The following CRK variants were observed in gnomAD, a reference collection of about 807,000 sequenced individuals.
CRK encodes the protein adapter molecule crk.
A neutral mutation model predicts 29.8 loss-of-function variants in CRK; 4 were observed. That is an observed-to-expected ratio of 0.13 (90% CI 0.07 to 0.31). The LOEUF (loss-of-function observed/expected upper bound fraction) is 0.31, where lower values mean the gene tolerates loss of function less well. CRK is among the 10% of genes least tolerant of loss of function. The probability of loss-of-function intolerance (pLI) is 1.00; values close to 1 mark genes in which losing one functional copy is unlikely to be tolerated. For missense variants in CRK, 274 were observed against 396.5 expected, an observed-to-expected ratio of 0.69 and a Z score of 2.62; for synonymous variants, 153 against 164.9, an observed-to-expected ratio of 0.93 and a Z score of 0.55.
intron 1 of CRK, among the ~76,000 whole-genome samples, chr17:1,444,388 G>A (rs1371212362): frequency 6.6e-6 from 1 of 152,174 alleles, no homozygotes; most frequent in Non-Finnish European, 1.5e-5. Context: ...CAAACGCCAG[G>A]CAGGGTGGTG....
intron 1 of CRK, among the ~76,000 whole-genome samples, chr17:1,447,737 C>T (rs1278635308): frequency 2.6e-5 from 4 of 151,754 alleles, no homozygotes; most frequent in Non-Finnish European, 5.9e-5. Flanking sequence ...CTTCCTTAGC[C>T]TCTCGAGTAG....
At chr17:1,451,264 G>A (rs1387142959) in intron 1 of CRK, among the ~76,000 whole-genome samples, 3 of 149,182 alleles carry the variant, frequency 2.0e-5, no homozygotes, top group African/African-American at 7.4e-5. Context: ...TAGCAGATGT[G>A]TATTGTCTGA....
At chr17:1,445,185 A>G (rs1452485581) in intron 1 of CRK, among the ~76,000 whole-genome samples, 5 of 152,152 alleles carry the variant, frequency 3.3e-5, no homozygotes, top group African/African-American at 9.7e-5. Context: ...GAGAGAGGTA[A>G]TAAGACACAA....
At chr17:1,430,949 T>G (rs1473518176) in intron 2 of CRK, among the ~76,000 whole-genome samples, 1 of 151,810 alleles carries the variant, frequency 6.6e-6, no homozygotes, top group Non-Finnish European at 1.5e-5. Context: ...GCGCCTGTAG[T>G]CCCAGCTGCT....
At chr17:1,430,658 C>T (rs960817172) in intron 2 of CRK, among the ~76,000 whole-genome samples, 3 of 151,682 alleles carry the variant, frequency 2.0e-5, no homozygotes, top group South Asian at 4.2e-4. Flanking sequence ...AGCCACCACA[C>T]CCAGCCTGAT....
chr17:1,428,757 C>G (rs1329627049), intron 2 of CRK, among the ~76,000 whole-genome samples: 2 of 151,334 alleles, frequency 1.3e-5, no homozygotes, highest in East Asian at 1.9e-4. Context: ...CTCCTGACCT[C>G]GTGATCTGCT....
At chr17:1,454,268 C>G (rs1381580805) in intron 1 of CRK, among the ~76,000 whole-genome samples, 1 of 151,932 alleles carries the variant, frequency 6.6e-6, no homozygotes. Flanking sequence ...TGGCCAGGCG[C>G]GGTGGCTCTT....
chr17:1,440,346 T>G (rs2073924953), intron 1 of CRK, among the ~76,000 whole-genome samples: 1 of 150,126 alleles, frequency 6.7e-6, no homozygotes, highest in East Asian at 2.0e-4. Context: ...TGCCTGCAGT[T>G]GCAGCTACTT....
At chr17:1,424,473 G>T (rs1256453026) in intron 2 of CRK, 1 of 152,188 alleles carries the variant, frequency 6.6e-6, no homozygotes, top group African/African-American at 2.4e-5. Flanking sequence ...GCAAGCATAG[G>T]TCACTTGGTC....
At chr17:1,439,844 A>C (rs1335141865) in intron 1 of CRK, among the ~76,000 whole-genome samples, 1 of 151,776 alleles carries the variant, frequency 6.6e-6, no homozygotes, top group Non-Finnish European at 1.5e-5. Flanking sequence ...CTCTGTGTCA[A>C]ACAAACAAAA....
At chr17:1,447,786 C>T (rs1598304265) in intron 1 of CRK, among the ~76,000 whole-genome samples, 1 of 151,480 alleles carries the variant, frequency 6.6e-6, no homozygotes, top group South Asian at 2.1e-4. Context: ...CTGGCTAATT[C>T]TTGTATTTTT....
intron 2 of CRK, among the ~76,000 whole-genome samples, chr17:1,430,240 C>G (rs1321181145): frequency 6.6e-6 from 1 of 151,632 alleles, no homozygotes; most frequent in Non-Finnish European, 1.5e-5. Flanking sequence ...AATGGAGTTT[C>G]AAAATGTTAG....
chr17:1,425,804 C>T (rs2073773817), intron 2 of CRK, among the ~76,000 whole-genome samples: 1 of 151,986 alleles, frequency 6.6e-6, no homozygotes, highest in Non-Finnish European at 1.5e-5. Context: ...ATTACAGAGG[C>T]CTGAAGTCAC....
intron 1 of CRK, among the ~76,000 whole-genome samples, chr17:1,448,205 G>A (rs527481213): frequency 2.6e-5 from 4 of 152,148 alleles, no homozygotes; most frequent in South Asian, 2.1e-4. Context: ...GTATGAGGAC[G>A]GTCCTTTGCA....
At chr17:1,433,508 GCT>G (rs895193299) in intron 2 of CRK, among the ~76,000 whole-genome samples, 3 of 114,368 alleles carry the variant, frequency 2.6e-5, no homozygotes, top group African/African-American at 1.1e-4. Flanking sequence ...ACCACGCCTG[GCT>G]TTTTTTTTTT....
At chr17:1,443,378 T>A (rs1404451299) in intron 1 of CRK, among the ~76,000 whole-genome samples, 1 of 151,762 alleles carries the variant, frequency 6.6e-6, no homozygotes, top group East Asian at 1.9e-4. Context: ...CACAGCTAAT[T>A]TTTGTATTTT....
chr17:1,453,911 A>C (rs1225952274), intron 1 of CRK, among the ~76,000 whole-genome samples: 1 of 147,514 alleles, frequency 6.8e-6, no homozygotes, highest in East Asian at 2.1e-4. Flanking sequence ...TCCGCCTCAA[A>C]CAAACAAAGC....
chr17:1,450,677 A>C (rs1217451484), intron 1 of CRK, among the ~76,000 whole-genome samples: 2 of 151,474 alleles, frequency 1.3e-5, no homozygotes, highest in Non-Finnish European at 2.9e-5. Flanking sequence ...TGAGGCCAGG[A>C]GTTCAAGACC....
chr17:1,447,742 G>C (rs1216696693), intron 1 of CRK, among the ~76,000 whole-genome samples: 1 of 150,490 alleles, frequency 6.6e-6, no homozygotes, highest in Non-Finnish European at 1.5e-5. Flanking sequence ...TTAGCCTCTC[G>C]AGTAGCTGGG....
Sources: allele counts gnomAD v4.1 joint callset (sites outside exome capture counted in the v4.1 genomes callset), GRCh38; gene constraint gnomAD v4.1.1; transcripts MANE v1.5; gene names NCBI Gene and HGNC (gene_info 2026-07-23, HGNC 2026-07-21).